The following PTPRT variants were observed in gnomAD, a reference collection of about 807,000 sequenced individuals.
The protein encoded by PTPRT is protein tyrosine phosphatase receptor type T.
Under a neutral mutation model 176.8 loss-of-function variants are expected in PTPRT, and 56 were observed. That is an observed-to-expected ratio of 0.32 (90% CI 0.26 to 0.40). PTPRT has a LOEUF of 0.40. PTPRT is among the 10% of genes least tolerant of loss of function. PTPRT has a pLI of 1.00. For synonymous variants in PTPRT, 783 were observed against 739.0 expected, an observed-to-expected ratio of 1.06 and a Z score of -0.96; for missense variants, 1,540 against 1,908.2, an observed-to-expected ratio of 0.81 and a Z score of 3.60.
intron 7 of PTPRT, among the ~76,000 whole-genome samples, chr20:42,641,980 T>C (rs768814070): frequency 6.6e-6 from 1 of 152,134 alleles, no homozygotes; most frequent in Non-Finnish European, 1.5e-5. Context: ...GGAGCTGAGA[T>C]GGGAGAGCAT....
At chr20:42,403,731 C>G (rs1458049306) in intron 9 of PTPRT, among the ~76,000 whole-genome samples, 1 of 152,102 alleles carries the variant, frequency 6.6e-6, no homozygotes, top group Non-Finnish European at 1.5e-5. Context: ...TGGGTCTCTG[C>G]TTTCTCACCT....
Position 42,300,756 on chromosome 20 carries a change from G to GTATTATTATTATTAT in PTPRT, c.2139+14952_2139+14966dup, listed in dbSNP as rs533576322. On this transcript the variant is annotated intron_variant, in intron 12 of 30. Coordinates refer to ENST00000373187, the MANE Select transcript of PTPRT (RefSeq NM_007050.6). ...TCATTTGGCAAACATCTTTTTATTTGTATTATTATTATTATTATTATTATT... is the reference window on the plus strand; with the variant it reads ...TCATTTGGCAAACATCTTTTTATTTGTATTATTATTATTATTATTATTATTATTATTATTATTATT... Among the ~76,000 whole-genome samples, 586 of 148,010 alleles carry GTATTATTATTATTAT rather than the reference G, an allele frequency of 4.0e-3. 2 individuals are homozygous for GTATTATTATTATTAT. Among genetic ancestry groups the GTATTATTATTATTAT allele is most frequent in the African/African-American group, 0.014 (545 of 40,334 alleles).
At chr20:42,601,756 T>A (rs1234765398) in intron 7 of PTPRT, among the ~76,000 whole-genome samples, 1 of 152,202 alleles carries the variant, frequency 6.6e-6, no homozygotes, top group African/African-American at 2.4e-5. Flanking sequence ...ACTAAATTAA[T>A]GAATAAATAA....
At chr20:43,134,770 A>G (rs1471585199) in intron 1 of PTPRT, among the ~76,000 whole-genome samples, 2 of 152,240 alleles carry the variant, frequency 1.3e-5, no homozygotes, top group African/African-American at 2.4e-5. Context: ...ATTTGGTGGT[A>G]TTAATGAATT....
intron 1 of PTPRT, among the ~76,000 whole-genome samples, chr20:43,164,839 T>C (rs1204174937): frequency 6.6e-6 from 1 of 152,218 alleles, no homozygotes; most frequent in African/African-American, 2.4e-5. Context: ...TTTGATTCAC[T>C]ATCTACCATT....
At chr20:42,142,509 C>T (rs938815785) in intron 17 of PTPRT, among the ~76,000 whole-genome samples, 1 of 152,154 alleles carries the variant, frequency 6.6e-6, no homozygotes, top group African/African-American at 2.4e-5. Context: ...TCAGATTATA[C>T]ACTCTGGGAG....
At chr20:43,107,164 G>A (rs1272783134) in intron 1 of PTPRT, among the ~76,000 whole-genome samples, 1 of 152,154 alleles carries the variant, frequency 6.6e-6, no homozygotes, top group African/African-American at 2.4e-5. Flanking sequence ...CTGCTTTAAA[G>A]AATTTTCAAG....
In PTPRT at chr20:42,791,188, G is replaced by A. The variant is rs748432113; in HGVS notation, c.486+7C>T. 6.3e-7 allele frequency: 1 copy of A among 1,576,734 alleles called. No homozygotes were observed. ...TTCAAAAATAAAACCATGGTAAAAT[G>A]CCATACCTGATAGAAATGTGGCCAG... On this transcript the variant is annotated splice_region_variant and intron_variant, in intron 3 of 30. Transcript: ENST00000373187.
Position 42,507,288 on chromosome 20 carries a change from G to A in PTPRT, c.1154-34726C>T, listed in dbSNP as rs75688425. ...TTTAAATCACAAATTCTAATTATATGTGGACCCAAGCTGATGAAGCAGATG... is the reference window on the plus strand; with the variant it reads ...TTTAAATCACAAATTCTAATTATATATGGACCCAAGCTGATGAAGCAGATG... On this transcript the variant is annotated intron_variant, in intron 7 of 30. Coordinates refer to ENST00000373187, the MANE Select transcript of PTPRT (RefSeq NM_007050.6). Among the ~76,000 whole-genome samples, 627 of 152,158 alleles carry A rather than the reference G, an allele frequency of 4.1e-3. 7 individuals are homozygous for A. Among genetic ancestry groups the A allele is most frequent in the African/African-American group, 0.014 (595 of 41,536 alleles).
chr20:43,126,721 A>AC lies in PTPRT; in HGVS notation c.88+62924dup, dbSNP rs1353564756. Among the ~76,000 whole-genome samples, 123 of 151,976 alleles carry AC rather than the reference A, an allele frequency of 8.1e-4. 3 individuals are homozygous for AC. The Middle Eastern group carries it at 0.01, about 13-fold the overall frequency. ...ATTTTGTTCTCTTGAGAATGACACC[A>AC]CCCCCTCCAGCCCCAATATCCCTTT... On this transcript the variant is annotated intron_variant, in intron 1 of 30. Coordinates refer to ENST00000373187, the MANE Select transcript of PTPRT (RefSeq NM_007050.6).
intron 8 of PTPRT, among the ~76,000 whole-genome samples, chr20:42,469,614 C>T (rs761068950): frequency 3.9e-5 from 6 of 152,130 alleles, no homozygotes; most frequent in Non-Finnish European, 8.8e-5. Context: ...ATTCTACCTG[C>T]TGGAGGAAGG....
At chr20:42,097,613 G>C (rs933767719) in intron 27 of PTPRT, among the ~76,000 whole-genome samples, 1 of 152,194 alleles carries the variant, frequency 6.6e-6, no homozygotes, top group Non-Finnish European at 1.5e-5. Context: ...GCAAGACCAT[G>C]CGCTTTTGGA....
At chr20:42,098,337 G>A in intron 27 of PTPRT, 84 bp downstream of exon 27, 1 of 1,554,458 alleles carries the variant, frequency 6.4e-7, no homozygotes, top group Non-Finnish European at 8.7e-7. Flanking sequence ...AGATGTGGCA[G>A]GCACCGGCTG....
intron 1 of PTPRT, among the ~76,000 whole-genome samples, chr20:43,112,941 T>G (rs1341945198): frequency 6.6e-6 from 1 of 152,128 alleles, no homozygotes; most frequent in Non-Finnish European, 1.5e-5. Flanking sequence ...TAAACGTATC[T>G]CCTGGGGTTT....
At chr20:42,792,529 T>C (rs1350219981) in intron 2 of PTPRT, among the ~76,000 whole-genome samples, 1 of 151,980 alleles carries the variant, frequency 6.6e-6, no homozygotes, top group Non-Finnish European at 1.5e-5. Context: ...AAGAGATGAT[T>C]AAGGAAATTT....
At chr20:42,778,361 C>G (rs16987367) in intron 4 of PTPRT, among the ~76,000 whole-genome samples, 14,508 of 152,108 alleles carry the variant, frequency 0.095, 755 homozygotes, top group South Asian at 0.22. Context: ...GGCATCAGGA[C>G]GGAGATGAAA....
chr20:42,950,195 C>T (rs1339530667), intron 1 of PTPRT, among the ~76,000 whole-genome samples: 3 of 152,184 alleles, frequency 2.0e-5, no homozygotes, highest in African/African-American at 7.2e-5. Flanking sequence ...GGTGCCCTGA[C>T]GGCACTTGGC....
intron 3 of PTPRT, among the ~76,000 whole-genome samples, chr20:42,788,323 A>C (rs1471192192): frequency 6.6e-6 from 1 of 152,122 alleles, no homozygotes; most frequent in African/African-American, 2.4e-5. Flanking sequence ...ACTGACAAGC[A>C]GATGAGAATA....
At chr20:43,058,616 A>AT (rs1987334554) in intron 1 of PTPRT, among the ~76,000 whole-genome samples, 2 of 152,192 alleles carry the variant, frequency 1.3e-5, no homozygotes, top group African/African-American at 2.4e-5. Context: ...ATTAAGCAAT[A>AT]AACGCTTCAT....
Sources: gnomAD v4.1 joint callset for allele counts (sites outside exome capture counted in the v4.1 genomes callset) on GRCh38, gnomAD v4.1.1 for gene constraint, MANE v1.5 for transcripts, NCBI Gene and HGNC (gene_info 2026-07-23, HGNC 2026-07-21) for gene names.